The following RAB38 variants were observed in gnomAD, a reference collection of about 807,000 sequenced individuals.
RAB38 encodes RAB38, member RAS oncogene family.
Under a neutral mutation model 18.4 loss-of-function variants are expected in RAB38, and 15 were observed. The ratio of observed to expected loss-of-function variants is 0.82; its 90% CI spans 0.55 to 1.26. The LOEUF (loss-of-function observed/expected upper bound fraction) is 1.26, where lower values mean the gene tolerates loss of function less well. RAB38 is among the 50% of genes most tolerant of loss of function. RAB38 has a pLI of 0.00. For missense variants in RAB38, 294 were observed against 267.4 expected (o/e 1.10, Z -0.69); for synonymous variants, 101 against 104.4 (o/e 0.97, Z 0.20).
chr11:88,077,498 A>G, the RAB38 span, among the ~76,000 whole-genome samples: 14 of 152,272 alleles, frequency 9.2e-5, no homozygotes, highest in South Asian at 2.7e-3. Context: ...ATATAAGTCA[A>G]TGCATTTACA....
At chr11:88,112,602 C>T (rs925485114), downstream of RAB38, among the ~76,000 whole-genome samples, 4 of 152,064 alleles carry the variant, frequency 2.6e-5, no homozygotes, top group Non-Finnish European at 5.9e-5. Context: ...TGATAAACCT[C>T]GTCTCTATTA....
the RAB38 span, among the ~76,000 whole-genome samples, chr11:88,076,164 G>A: frequency 6.6e-6 from 1 of 151,544 alleles, no homozygotes; most frequent in African/African-American, 2.4e-5. Context: ...AAAATAGAAA[G>A]CATCATTAAA....
the RAB38 span, among the ~76,000 whole-genome samples, chr11:88,004,626 T>C: frequency 1.3e-5 from 2 of 151,370 alleles, no homozygotes; most frequent in East Asian, 3.9e-4. Flanking sequence ...AGTTCCTAGT[T>C]AGTCATTGCA....
chr11:87,896,395 A>G, the RAB38 span, among the ~76,000 whole-genome samples: 1 of 151,650 alleles, frequency 6.6e-6, no homozygotes, highest in Non-Finnish European at 1.5e-5. Flanking sequence ...TGGAGGGACC[A>G]TGCTTGCTGG....
the RAB38 span, among the ~76,000 whole-genome samples, chr11:88,028,417 G>A: frequency 5.8e-4 from 89 of 152,264 alleles, no homozygotes; most frequent in African/African-American, 1.9e-3. Flanking sequence ...GGCTTCAGAC[G>A]ATCAAACTAC....
intron 1 of RAB38, chr11:88,165,671 C>T (rs2134851475): frequency 6.6e-6 from 1 of 152,174 alleles, no homozygotes; most frequent in South Asian, 2.1e-4. Flanking sequence ...AGTAGAGACT[C>T]AGAGCAAAAA....
the RAB38 span, among the ~76,000 whole-genome samples, chr11:88,071,913 G>A: frequency 6.6e-6 from 1 of 152,174 alleles, no homozygotes; most frequent in Non-Finnish European, 1.5e-5. Flanking sequence ...CTCAATTCCT[G>A]GCTAGAATCA....
chr11:87,937,384 T>C, the RAB38 span, among the ~76,000 whole-genome samples: 1 of 146,580 alleles, frequency 6.8e-6, no homozygotes, highest in African/African-American at 2.5e-5. Flanking sequence ...TTGTTAAGTA[T>C]ATTATGAGGA....
At chr11:88,058,387 A>C in the RAB38 span, among the ~76,000 whole-genome samples, 5 of 152,200 alleles carry the variant, frequency 3.3e-5, no homozygotes, top group African/African-American at 1.2e-4. Flanking sequence ...ACATGTATAG[A>C]GGGAGCATCT....
chr11:88,113,746 C>A lies in RAB38; in HGVS notation c.*242G>T. The stretch of plus-strand genomic sequence containing the variant: ...TGTGGCCCTGCAGGATTTTGGTCAG[C>A]TACATGACAGAAGTTTGTAACAGAC... On this transcript the variant is annotated 3_prime_UTR_variant, in exon 3 of 3. Coordinates refer to ENST00000243662, the MANE Select transcript of RAB38 (RefSeq NM_022337.3). The A allele has an allele frequency of 2.1e-6, 1 of 467,174 alleles. No individual in the cohort carries two copies. The highest frequency in any genetic ancestry group is 3.8e-6 in the Non-Finnish European group (1 of 265,026). The allele number at this position is 467,174 out of a possible 1,614,324, so 28.9% of individuals were successfully genotyped here.
the RAB38 span, among the ~76,000 whole-genome samples, chr11:87,863,796 G>A: frequency 6.6e-6 from 1 of 151,662 alleles, no homozygotes; most frequent in Non-Finnish European, 1.5e-5. Flanking sequence ...ATGCAACCTA[G>A]CCTCACTGAC....
At chr11:88,151,504 G>A (rs1031910016) in intron 1 of RAB38, among the ~76,000 whole-genome samples, 1 of 152,084 alleles carries the variant, frequency 6.6e-6, no homozygotes, top group African/African-American at 2.4e-5. Context: ...ACCAGACAAA[G>A]CCTTTTTATT....
chr11:87,875,270 A>G, the RAB38 span, among the ~76,000 whole-genome samples: 1 of 151,546 alleles, frequency 6.6e-6, no homozygotes, highest in African/African-American at 2.4e-5. Flanking sequence ...TATATAAAAC[A>G]TTATATTGCA....
the RAB38 span, among the ~76,000 whole-genome samples, chr11:88,040,359 C>T: frequency 6.6e-6 from 1 of 152,072 alleles, no homozygotes; most frequent in South Asian, 2.1e-4. Flanking sequence ...CTAAAGTCAC[C>T]AGTCATATTG....
the RAB38 span, among the ~76,000 whole-genome samples, chr11:88,033,688 A>G: frequency 6.6e-6 from 1 of 151,072 alleles, no homozygotes; most frequent in Non-Finnish European, 1.5e-5. Flanking sequence ...ATTATAGTAA[A>G]GAACATTTCT....
chr11:87,818,999 T>C, the RAB38 span, among the ~76,000 whole-genome samples: 2 of 152,210 alleles, frequency 1.3e-5, no homozygotes, highest in Admixed American at 6.5e-5. Flanking sequence ...ATTTATAAAC[T>C]AGTAGCATTC....
the RAB38 span, among the ~76,000 whole-genome samples, chr11:87,859,368 A>G: frequency 6.6e-6 from 1 of 152,088 alleles, no homozygotes; most frequent in South Asian, 2.1e-4. Flanking sequence ...AAATGTATGC[A>G]CTCTAATATA....
At chr11:87,846,608 A>G in the RAB38 span, among the ~76,000 whole-genome samples, 1 of 152,088 alleles carries the variant, frequency 6.6e-6, no homozygotes, top group Non-Finnish European at 1.5e-5. Flanking sequence ...GTCATAGGAG[A>G]TTTCAACAAC....
the RAB38 span, among the ~76,000 whole-genome samples, chr11:87,810,747 G>A: frequency 6.6e-6 from 1 of 151,448 alleles, no homozygotes; most frequent in Admixed American, 6.6e-5. Context: ...TTTCTGAAAT[G>A]TAAATAGGGT....
Sources: allele counts gnomAD v4.1 joint callset (sites outside exome capture counted in the v4.1 genomes callset), GRCh38; gene constraint gnomAD v4.1.1; transcripts MANE v1.5; gene names NCBI Gene and HGNC (gene_info 2026-07-23, HGNC 2026-07-21).